ZNF536: variants seen among roughly 807,000 people sequenced by gnomAD.
ZNF536 encodes zinc finger protein 536.
ZNF536 carries 13 observed loss-of-function variants against 84.5 expected under a neutral mutation model. The observed-to-expected ratio is 0.15, with a 90% CI of 0.10 to 0.24. The LOEUF is 0.24. Ranked by LOEUF, ZNF536 falls within the 10% of genes least tolerant of loss-of-function variation. ZNF536 has a pLI of 1.00. For missense variants in ZNF536, 1,536 were observed against 1,747.5 expected (o/e 0.88, Z 2.16); for synonymous variants, 811 against 742.5 (o/e 1.09, Z -1.50).
chr19:30,554,658 C>T (rs1055787250), intron 4 of ZNF536: 3 of 152,176 alleles, frequency 2.0e-5, no homozygotes, highest in Admixed American at 6.5e-5. Context: ...CATGGGGTGT[C>T]TGTGGCGACC....
At chr19:30,603,120 A>C (rs181054357) in intron 1 of ZNF536, among the ~76,000 whole-genome samples, 1 of 152,182 alleles carries the variant, frequency 6.6e-6, no homozygotes, top group Non-Finnish European at 1.5e-5. Flanking sequence ...TCACACAGGC[A>C]TCTGGGGCTA....
intron 1 of ZNF536, among the ~76,000 whole-genome samples, chr19:30,572,219 C>T (rs769697153): frequency 6.6e-6 from 1 of 152,210 alleles, no homozygotes; most frequent in Non-Finnish European, 1.5e-5. Flanking sequence ...AAGGAACTCT[C>T]CCTACTGCTT....
intron 1 of ZNF536, among the ~76,000 whole-genome samples, chr19:30,658,394 A>G (rs964595571): frequency 3.3e-5 from 5 of 151,938 alleles, no homozygotes; most frequent in South Asian, 2.1e-4. Context: ...TCATTGCCCA[A>G]CCTTCAAGCT....
upstream of ZNF536, among the ~76,000 whole-genome samples, chr19:30,227,115 T>C (rs1329743253): frequency 6.6e-6 from 1 of 151,646 alleles, no homozygotes; most frequent in African/African-American, 2.4e-5. Flanking sequence ...TATAGACGGA[T>C]GTATGTGAAG....
At chr19:30,459,068 C>T (rs538837687) in intron 2 of ZNF536, among the ~76,000 whole-genome samples, 5 of 152,308 alleles carry the variant, frequency 3.3e-5, no homozygotes, top group South Asian at 4.1e-4. Context: ...AAAATGAGGA[C>T]GATGGTAGTG....
intron 2 of ZNF536, among the ~76,000 whole-genome samples, chr19:30,449,614 G>A (rs979778924): frequency 6.6e-6 from 1 of 152,166 alleles, no homozygotes; most frequent in Non-Finnish European, 1.5e-5. Flanking sequence ...TGGTGGGAAG[G>A]GGGTAATTGA....
chr19:30,315,714 C>A (rs193108641), intron 2 of ZNF536, among the ~76,000 whole-genome samples: 2 of 152,192 alleles, frequency 1.3e-5, no homozygotes, highest in Non-Finnish European at 2.9e-5. Context: ...AAATCCTTCT[C>A]CCATCGATGG....
intron 1 of ZNF536, among the ~76,000 whole-genome samples, chr19:30,375,177 C>T (rs1474704621): frequency 6.7e-6 from 1 of 150,010 alleles, no homozygotes; most frequent in South Asian, 2.1e-4. Context: ...CCGAGCCTCC[C>T]GCCGCCTGCG....
In ZNF536 at chr19:30,458,447, G is replaced by GTTTTTTTTTTTTTTTTTTTTTTTTTTTTT. The variant is rs3084731; in HGVS notation, c.2170+12738_2170+12739insTTTTTTTTTTTTTTTTTTTTTTTTTTTTT. Among the ~76,000 whole-genome samples the GTTTTTTTTTTTTTTTTTTTTTTTTTTTTT allele has an allele frequency of 3.6e-5, 3 of 83,492 alleles. 1 individual carries two copies. The highest frequency in any genetic ancestry group is 1.1e-4 in the African/African-American group (2 of 17,926). The allele number at this position is 83,492 out of a possible 152,430, so 54.8% of individuals were successfully genotyped here. A position where few individuals can be genotyped will look rare whatever the true frequency, so the allele number is the denominator to read the frequency against. On this transcript the variant is annotated intron_variant, in intron 2 of 4. Transcript: ENST00000355537. Reference sequence around the variant, plus strand: ...CCAAGTATTTCCTCAATTTCCTGCTGTTTTTTTTTTTTTTTTTTTTTTTGA... The same window carrying GTTTTTTTTTTTTTTTTTTTTTTTTTTTTT: ...CCAAGTATTTCCTCAATTTCCTGCTGTTTTTTTTTTTTTTTTTTTTTTTTTTTTTTTTTTTTTTTTTTTTTTTTTTTTGA...
At chr19:30,239,405 C>T (rs559466084) in intron 1 of ZNF536, among the ~76,000 whole-genome samples, 99 of 152,328 alleles carry the variant, frequency 6.5e-4, no homozygotes, top group African/African-American at 2.0e-3. Flanking sequence ...TCCGTCTGAA[C>T]GGAACCTATG....
chr19:30,326,282 G>T (rs1450428095), intron 2 of ZNF536, among the ~76,000 whole-genome samples: 3 of 152,212 alleles, frequency 2.0e-5, no homozygotes, highest in Non-Finnish European at 4.4e-5. Context: ...GTTGGGGGAG[G>T]CCTGGGATCC....
intron 2 of ZNF536, among the ~76,000 whole-genome samples, chr19:30,448,362 T>C (rs1373400761): frequency 6.6e-6 from 1 of 152,216 alleles, no homozygotes; most frequent in Non-Finnish European, 1.5e-5. Context: ...AGAAGTGCGA[T>C]TAAAATAAGC....
chr19:30,298,195 G>A (rs190407359), intron 2 of ZNF536, among the ~76,000 whole-genome samples: 1 of 152,202 alleles, frequency 6.6e-6, no homozygotes, highest in East Asian at 1.9e-4. Flanking sequence ...CTTCTTTAAG[G>A]AATCCCACCG....
chr19:30,261,697 CAAAAAAA>C (rs56820609), intron 1 of ZNF536, among the ~76,000 whole-genome samples: 10 of 99,920 alleles, frequency 1.0e-4, no homozygotes, highest in African/African-American at 2.2e-4. Flanking sequence ...GGACCTTGTC[CAAAAAAA>C]AAAAAAAAAA....
chr19:30,667,887 A>G (rs1226821912), intron 1 of ZNF536, among the ~76,000 whole-genome samples: 1 of 152,076 alleles, frequency 6.6e-6, no homozygotes, highest in Admixed American at 6.5e-5. Flanking sequence ...TAAGGTATAC[A>G]TTGTTATTAG....
chr19:30,617,911 C>T (rs1289547261), intron 1 of ZNF536, among the ~76,000 whole-genome samples: 1 of 152,122 alleles, frequency 6.6e-6, no homozygotes, highest in Non-Finnish European at 1.5e-5. Flanking sequence ...ACTAGAATTC[C>T]ATGTGAGCAA....
intron 4 of ZNF536, among the ~76,000 whole-genome samples, chr19:30,550,546 TGGAAGGAA>T (rs2045734745): frequency 6.8e-6 from 1 of 147,168 alleles, no homozygotes; most frequent in South Asian, 2.1e-4. Context: ...ACTTCACCTG[TGGAAGGAA>T]GGCAGGAAGG....
At chr19:30,284,453 TG>T (rs1190616329) in intron 2 of ZNF536, among the ~76,000 whole-genome samples, 2 of 152,214 alleles carry the variant, frequency 1.3e-5, no homozygotes, top group Admixed American at 1.3e-4. Flanking sequence ...GGCTGAGAGC[TG>T]GTGGGGCTTT....
chr19:30,280,117 C>A (rs913732222), intron 1 of ZNF536, among the ~76,000 whole-genome samples: 1 of 152,120 alleles, frequency 6.6e-6, no homozygotes, highest in Non-Finnish European at 1.5e-5. Context: ...TCCGCCTCGC[C>A]TCCATCTGTC....
Sources: gnomAD v4.1 joint callset for allele counts (sites outside exome capture counted in the v4.1 genomes callset) on GRCh38, gnomAD v4.1.1 for gene constraint, MANE v1.5 for transcripts, NCBI Gene and HGNC (gene_info 2026-07-23, HGNC 2026-07-21) for gene names.